GPR137B: variants seen among roughly 807,000 people sequenced by gnomAD.
The protein encoded by GPR137B is integral membrane protein GPR137B.
A neutral mutation model predicts 42.5 loss-of-function variants in GPR137B; 42 were observed. The observed-to-expected ratio is 0.99, with a 90% CI of 0.77 to 1.28. The LOEUF (loss-of-function observed/expected upper bound fraction) is 1.28, where lower values mean the gene tolerates loss of function less well. Ranked by LOEUF, GPR137B falls within the 50% of genes most tolerant of loss-of-function variation. The pLI is 0.00. For missense variants in GPR137B, 487 were observed against 493.9 expected (o/e 0.99, Z 0.13); for synonymous variants, 218 against 209.7 (o/e 1.04, Z -0.34).
chr1:236,195,582 T>C (rs577011122), intron 5 of GPR137B, among the ~76,000 whole-genome samples: 2 of 152,310 alleles, frequency 1.3e-5, no homozygotes, highest in East Asian at 1.9e-4. Context: ...ATTGCAGATA[T>C]CTCTTCAATA....
At chr1:236,149,611 C>G (rs1661783100) in intron 1 of GPR137B, among the ~76,000 whole-genome samples, 1 of 152,220 alleles carries the variant, frequency 6.6e-6, no homozygotes, top group Admixed American at 6.5e-5. Context: ...TTATCAAATA[C>G]CTGTCGTGTG....
At position 236,157,337 on chromosome 1, in the gene GPR137B, C is replaced by T. The variant is rs577319834; in HGVS notation, c.415-11369C>T. On this transcript the variant is annotated intron_variant, in intron 1 of 6. Transcript: ENST00000366592. ...CCTCCTGGTTCACGCCATTCTCCTG[C>T]CTCAGTCTCCCCAGTGGCTGGGACT... 6.2e-4 allele frequency among the ~76,000 whole-genome samples: 95 copies of T among 152,118 alleles called. No individual in the cohort carries two copies. In the South Asian group the frequency reaches 0.011, roughly 17 times the overall value.
At chr1:236,170,889 T>C (rs1046055947) in intron 2 of GPR137B, among the ~76,000 whole-genome samples, 1 of 150,972 alleles carries the variant, frequency 6.6e-6, no homozygotes, top group Non-Finnish European at 1.5e-5. Context: ...GTTGGGAGAA[T>C]CGCTTAAGCC....
chr1:236,169,682 G>A (rs774677768), intron 2 of GPR137B, among the ~76,000 whole-genome samples: 11 of 152,032 alleles, frequency 7.2e-5, no homozygotes, highest in East Asian at 1.9e-4. Flanking sequence ...GGAGGGGTTC[G>A]TAGCTCTCCC....
intron 2 of GPR137B, among the ~76,000 whole-genome samples, chr1:236,176,223 A>G (rs922944059): frequency 1.6e-4 from 24 of 152,288 alleles, no homozygotes; most frequent in African/African-American, 5.3e-4. Flanking sequence ...GAATCTGTCC[A>G]TGGCAAATCA....
chr1:236,154,195 G>T (rs973549902), intron 1 of GPR137B, among the ~76,000 whole-genome samples: 1 of 152,214 alleles, frequency 6.6e-6, no homozygotes, highest in Non-Finnish European at 1.5e-5. Flanking sequence ...CCCTGCTCCA[G>T]GTTAAGCTGG....
intron 1 of GPR137B, among the ~76,000 whole-genome samples, chr1:236,144,611 C>T (rs563403809): frequency 6.6e-4 from 100 of 152,308 alleles, no homozygotes; most frequent in South Asian, 1.5e-3. Flanking sequence ...GCATATTTTC[C>T]GGTCGGAGAG....
intron 5 of GPR137B, 106 bp from the exon 6 acceptor site, chr1:236,205,020 C>A: frequency 2.2e-6 from 2 of 902,398 alleles, no homozygotes; most frequent in South Asian, 1.7e-5. Context: ...AGCCTACATT[C>A]AAATGAATAG....
At chr1:236,205,038 T>C in intron 5 of GPR137B, 88 bp from the exon 6 acceptor site, 1 of 1,038,314 alleles carries the variant, frequency 9.6e-7, no homozygotes, top group Non-Finnish European at 1.5e-6. Flanking sequence ...TAGAACATCT[T>C]TAGTCTCCTA....
At chr1:236,183,740 C>G in intron 4 of GPR137B, 38 bp from the exon 5 acceptor site, 1 of 1,521,708 alleles carries the variant, frequency 6.6e-7, no homozygotes, top group Non-Finnish European at 9.0e-7. Flanking sequence ...ATTTCCTCTT[C>G]CCTTGGTCTG....
intron 1 of GPR137B, among the ~76,000 whole-genome samples, chr1:236,163,666 T>C (rs760048376): frequency 1.3e-5 from 2 of 152,166 alleles, no homozygotes; most frequent in Non-Finnish European, 2.9e-5. Flanking sequence ...CTTTTGCTTC[T>C]TCCTCATTTT....
Position 236,155,096 on chromosome 1 carries a change from A to G in GPR137B, c.414+12060A>G, listed in dbSNP as rs1297455018. On this transcript the variant is annotated intron_variant, in intron 1 of 6. Transcript: ENST00000366592. This position sits in a 1 kb window ranked among gnomAD's most constrained non-coding sequence, Gnocchi z 4.6. ...CCTGCCAGGGAGGCAGGTCAGAATT[A>G]TTTGCCTCCACCTCTGTGCGGAACT... 6.6e-6 allele frequency among the ~76,000 whole-genome samples: 1 copy of G among 151,962 alleles called. No individual in the cohort carries two copies. The highest frequency in any genetic ancestry group is 2.4e-5 in the African/African-American group (1 of 41,274).
chr1:236,199,846 A>G lies in GPR137B; in HGVS notation c.967-5280A>G, dbSNP rs186101484. ...TCTTTTGTATTGCCTTTTTGTTTCA[A>G]TTTCATTAGTTCTGCTCTGATCTTT... On this transcript the variant is annotated intron_variant, in intron 5 of 6. Transcript: ENST00000366592. Among the ~76,000 whole-genome samples, 995 of 151,742 alleles carry G rather than the reference A, an allele frequency of 6.6e-3. 13 individuals are homozygous for G. The highest frequency in any genetic ancestry group is 0.01 in the Non-Finnish European group (697 of 67,904).
chr1:236,170,039 C>CAAAAAAA (rs11346365), intron 2 of GPR137B, among the ~76,000 whole-genome samples: 7 of 36,842 alleles, frequency 1.9e-4, no homozygotes, highest in Non-Finnish European at 3.8e-4. Context: ...GAATCCATCT[C>CAAAAAAA]AAAAAAAAAA....
chr1:236,199,603 T>G (rs959646315), intron 5 of GPR137B, among the ~76,000 whole-genome samples: 1 of 152,130 alleles, frequency 6.6e-6, no homozygotes, highest in African/African-American at 2.4e-5. Context: ...TTCTTCCTAA[T>G]TTAATCTAGG....
chr1:236,163,950 CCACCTCCCA>C (rs967196942), intron 1 of GPR137B, among the ~76,000 whole-genome samples: 5 of 151,332 alleles, frequency 3.3e-5, no homozygotes, highest in African/African-American at 2.4e-5. Flanking sequence ...CCATCTCCTC[CCACCTCCCA>C]CACCTCCCCA....
intron 5 of GPR137B, among the ~76,000 whole-genome samples, chr1:236,192,517 G>A (rs1293372460): frequency 1.3e-5 from 2 of 152,112 alleles, no homozygotes; most frequent in Non-Finnish European, 2.9e-5. Flanking sequence ...GAAGACTGTC[G>A]GAAAAGTGCA....
At chr1:236,162,764 G>A (rs916784503) in intron 1 of GPR137B, among the ~76,000 whole-genome samples, 12 of 152,226 alleles carry the variant, frequency 7.9e-5, no homozygotes, top group Non-Finnish European at 1.0e-4. Flanking sequence ...GGGAACCTCC[G>A]CCTAGATTCC....
chr1:236,170,090 G>C (rs1176696498), intron 2 of GPR137B, among the ~76,000 whole-genome samples: 1 of 151,496 alleles, frequency 6.6e-6, no homozygotes, highest in Admixed American at 6.6e-5. Flanking sequence ...ACTGGGGTTG[G>C]GGGAGGAGAA....
Sources: gnomAD v4.1 joint callset for allele counts (sites outside exome capture counted in the v4.1 genomes callset) on GRCh38, gnomAD v4.1.1 for gene constraint, Gnocchi (gnomAD v3.1) non-coding constraint, MANE v1.5 for transcripts, NCBI Gene and HGNC (gene_info 2026-07-23, HGNC 2026-07-21) for gene names.